The following KMT2D variants were observed in gnomAD, a reference collection of about 807,000 sequenced individuals.
KMT2D encodes lysine methyltransferase 2D.
A neutral mutation model predicts 512.7 loss-of-function variants in KMT2D; 55 were observed. That is an observed-to-expected ratio of 0.11 (90% CI 0.09 to 0.13). KMT2D has a LOEUF of 0.13. Among genes scored for constraint, KMT2D ranks in the 10% least tolerant of loss-of-function variants. The probability of loss-of-function intolerance (pLI) is 1.00; values close to 1 mark genes in which losing one functional copy is unlikely to be tolerated. For missense variants in KMT2D, 6,061 were observed against 7,127.9 expected, an observed-to-expected ratio of 0.85 and a Z score of 5.39; for synonymous variants, 2,995 against 2,904.0, an observed-to-expected ratio of 1.03 and a Z score of -1.01.
Position 49,027,191 on chromosome 12 carries a change from A to C in KMT2D, c.14775T>G (p.Pro4925=). 1 of 1,391,852 alleles carries C rather than the reference A, an allele frequency of 7.2e-7. No homozygotes were observed. Among genetic ancestry groups the C allele is most frequent in the Non-Finnish European group, 9.5e-7 (1 of 1,050,124 alleles). The allele number at this position is 1,391,852 out of a possible 1,614,324, so 86.2% of individuals were successfully genotyped here. A position where few individuals can be genotyped will look rare whatever the true frequency, so the allele number is the denominator to read the frequency against. ...SPPPSPLAPS[P]ASPPTEPLVE... is the part of the protein sequence containing the mutation. ...CCAAGGGCTCAGTAGGGGGACTGGC[A>C]GGAGAAGGTGCCAAGGGGGAAGGGG... Residue 4925 remains proline, a synonymous_variant, in exon 49 of 55, where the codon CCT becomes CCG. Coordinates refer to ENST00000301067, the MANE Select transcript of KMT2D (RefSeq NM_003482.4).
At chr12:49,043,007 A>C in intron 26 of KMT2D, 69 bp downstream of exon 26, 2 of 1,561,896 alleles carry the variant, frequency 1.3e-6, no homozygotes, top group Non-Finnish European at 1.8e-6. Context: ...TCACAGTCCC[A>C]AAGATAGGAC....
In KMT2D at chr12:49,033,122, T is replaced by G. The variant is rs878924583; in HGVS notation, c.11583A>C (p.Gln3861His). The G allele has an allele frequency of 1.3e-6, 2 of 1,551,258 alleles. No individual in the cohort carries two copies. Among genetic ancestry groups the G allele is most frequent in the Non-Finnish European group, 1.7e-6 (2 of 1,146,802 alleles). Residue 3861 changes from glutamine to histidine, a missense_variant, in exon 40 of 55, where the codon CAA (glutamine) becomes CAC (histidine). Gln to His is a conservative substitution (Grantham distance 24, BLOSUM62 0). Around this residue, in one of 16 missense-constraint regions of KMT2D, gnomAD observed 1,600 missense variants for 1,754.9 expected, o/e 0.91. Transcript: ENST00000301067. The part of the protein sequence containing the change: ...RLVTAQQQQQ[Q>H]QQHQQQGSMA... Reference sequence around the variant, plus strand: ...TGGACCCTTGCTGTTGGTGCTGTTGTTGCTGCTGCTGCTGCTGGGCTGTGA... The same window carrying G: ...TGGACCCTTGCTGTTGGTGCTGTTGGTGCTGCTGCTGCTGCTGGGCTGTGA...
In KMT2D at chr12:49,052,437, C is replaced by G; in HGVS notation, c.1259-13G>C. 1 of 1,542,060 alleles carries G rather than the reference C, an allele frequency of 6.5e-7. No homozygotes were observed. Among genetic ancestry groups the G allele is most frequent in the Non-Finnish European group, 8.8e-7 (1 of 1,142,252 alleles). On this transcript the variant is annotated splice_polypyrimidine_tract_variant and intron_variant, in intron 10 of 54. Transcript: ENST00000301067. ...ACCCCTGCTTTCCCTGCAGACACAA[C>G]AACACGATGCTCCTATCTAGCTCAG...
chr12:49,030,399 G>T lies in KMT2D; in HGVS notation c.13880C>A (p.Pro4627His). ...SNPPTPPSSL[P>H]PTPPPSVQQK... ...CTGCACCGATGGGGGTGGGGTGGGG[G>T]GCAGCGACGAGGGTGGTGTCGGCGG... Residue 4627 changes from proline (P) to histidine (H), a missense_variant, in exon 43 of 55, where the codon CCC becomes CAC. Transcript: ENST00000301067. 1.3e-6 allele frequency: 2 copies of T among 1,535,364 alleles called. No individual in the cohort carries two copies. Among genetic ancestry groups the T allele is most frequent in the Non-Finnish European group, 1.8e-6 (2 of 1,130,700 alleles).
rs2120479444 is a variant in KMT2D at position 49,037,460 on chromosome 12, T to C, written c.9896A>G (p.His3299Arg). Residue 3299 changes from histidine to arginine, a missense_variant, in exon 35 of 55, where the codon CAT becomes CGT. Around this residue, in one of 16 missense-constraint regions of KMT2D, gnomAD observed 533 missense variants for 539.6 expected, o/e 0.99. Coordinates refer to ENST00000301067, the MANE Select transcript of KMT2D (RefSeq NM_003482.4). ...PGPAQAMSLP[H>R]EGSSPSLAGS... ...AGCCAAACTGGGAGAAGAGCCCTCATGTGGCAAAGACATGGCCTGGGCAGG... is the reference window on the plus strand; with the variant it reads ...AGCCAAACTGGGAGAAGAGCCCTCACGTGGCAAAGACATGGCCTGGGCAGG... 1 of 1,572,188 alleles carries C rather than the reference T, an allele frequency of 6.4e-7. No homozygotes were observed. The highest frequency in any genetic ancestry group is 8.6e-7 in the Non-Finnish European group (1 of 1,158,746).
At position 49,038,984 on chromosome 12, in the gene KMT2D, A is replaced by C; in HGVS notation, c.8372T>G (p.Leu2791Arg). ...ATAGAAAGCTTGGGAGCCTCCTACC[A>C]GTTGCCTGGAAGAATATACAGTAGT... ...PSSMDVNSRQ[L>R]VGGSQAFYQR... The change falls in exon 35 of 55, where the codon CTG (leucine) becomes CGG (arginine). Residue 2791 changes from leucine (L) to arginine (R), a missense_variant. Around this residue, in one of 16 missense-constraint regions of KMT2D, gnomAD observed 527 missense variants for 578.9 expected, o/e 0.91. Transcript: ENST00000301067. The surrounding 1 kb of genome is among the most constrained non-coding windows in gnomAD (Gnocchi z 5.7). The C allele has an allele frequency of 6.4e-7, 1 of 1,551,910 alleles. No homozygotes were observed. Among genetic ancestry groups the C allele is most frequent in the Non-Finnish European group, 8.7e-7 (1 of 1,147,064 alleles).
Position 49,052,198 on chromosome 12 carries a change from A to C in KMT2D, c.1485T>G (p.Ser495=). ...LSRPLEESPL[S]PPPEESPLSP... The stretch of plus-strand genomic sequence containing the variant: ...ACAGAGGAGACTCCTCAGGCGGCGG[A>C]GAGAGGGGCGATTCCTCCAGCGGCC... The change falls in exon 11 of 55, where the codon TCT becomes TCG. Residue 495 remains serine, a synonymous_variant. Transcript: ENST00000301067. The C allele has an allele frequency of 6.2e-7, 1 of 1,612,336 alleles. No homozygotes were observed. Among genetic ancestry groups the C allele is most frequent in the Non-Finnish European group, 8.5e-7 (1 of 1,179,390 alleles).
At chr12:49,053,949 C>T (rs1938241593) in intron 6 of KMT2D, 29 bp downstream of exon 6, 1 of 1,607,522 alleles carries the variant, frequency 6.2e-7, no homozygotes, top group South Asian at 1.1e-5. Context: ...CTCTCATTTG[C>T]CCTATGACCA....
At position 49,026,600 on chromosome 12, in the gene KMT2D, C is replaced by T. The variant is rs1263492454; in HGVS notation, c.15366G>A (p.Lys5122=). The T allele has an allele frequency of 3.1e-6, 5 of 1,614,056 alleles. No individual in the cohort carries two copies. The highest frequency in any genetic ancestry group is 3.3e-5 in the Admixed American group (2 of 60,032). ...TGGTCTTGTCCTTGAAGAACATGCA[C>T]TTGGCACGGATGGCACAAGCAAAAT... ...VYHFACAIRA[K]CMFFKDKTML... Residue 5122 remains lysine (K), a synonymous_variant, in exon 49 of 55, where the codon AAG becomes AAA. Coordinates refer to ENST00000301067, the MANE Select transcript of KMT2D (RefSeq NM_003482.4). The surrounding 1 kb of genome is among the most constrained non-coding windows in gnomAD (Gnocchi z 9.6).
chr12:49,042,982 G>C lies in KMT2D; in HGVS notation c.5644+94C>G, dbSNP rs1000582361. On this transcript the variant is annotated intron_variant, in intron 26 of 54. Coordinates refer to ENST00000301067, the MANE Select transcript of KMT2D (RefSeq NM_003482.4). The surrounding 1 kb of genome is among the most constrained non-coding windows in gnomAD (Gnocchi z 4.4). ...AGGAACAGTCCAGGACTCCCCACCA[G>C]AGAAGCTGTACAGATCACAGTCCCA... 27 of 1,567,362 alleles carry C rather than the reference G, an allele frequency of 1.7e-5. No individual in the cohort carries two copies. The highest frequency in any genetic ancestry group is 2.4e-5 in the Non-Finnish European group (27 of 1,140,346).
rs998288271 is a variant in KMT2D at position 49,060,726 on chromosome 12, C to T, written c.-1151G>A. Among the ~76,000 whole-genome samples the T allele has an allele frequency of 3.3e-5, 5 of 152,212 alleles. No individual in the cohort carries two copies. Among genetic ancestry groups the T allele is most frequent in the South Asian group, 2.1e-4 (1 of 4,826 alleles). ...GCTAGATCCGGGGGGGCCTTTTGCCCGGGGCACCCCACTCGAGAGGGGGAG... is the reference window on the plus strand; with the variant it reads ...GCTAGATCCGGGGGGGCCTTTTGCCTGGGGCACCCCACTCGAGAGGGGGAG... On this transcript the variant is annotated 5_prime_UTR_variant, in exon 1 of 55. Coordinates refer to ENST00000301067, the MANE Select transcript of KMT2D (RefSeq NM_003482.4).
chr12:49,049,834 G>C lies in KMT2D; in HGVS notation c.3754C>G (p.Arg1252Gly), dbSNP rs727503987. Residue 1252 changes from arginine to glycine, a missense_variant, in exon 12 of 55, where the codon CGA becomes GGA. Coordinates refer to ENST00000301067, the MANE Select transcript of KMT2D (RefSeq NM_003482.4). ...CAGAGCCGTAGGGAGCCCTCATCTC[G>C]GGCTGGACTAACATCCGTAGAGACC... ...LGVSTDVSPA[R>G]DEGSLRLCTD... 5.0e-6 allele frequency: 8 copies of C among 1,613,950 alleles called. No homozygotes were observed. Among genetic ancestry groups the C allele is most frequent in the Non-Finnish European group, 6.8e-6 (8 of 1,179,892 alleles).
In KMT2D at chr12:49,054,742, C is replaced by T. The variant is rs367774720; in HGVS notation, c.186G>A (p.Pro62=). 1.6e-5 allele frequency: 26 copies of T among 1,613,798 alleles called. No individual in the cohort carries two copies. In the East Asian group the frequency reaches 4.5e-4, roughly 28 times the overall value. Reference sequence around the variant, plus strand: ...AGTTACAGAGAGCACAACGCCGCACCGGACCCCCACTGTGGACACACAAGC... The same window carrying T: ...AGTTACAGAGAGCACAACGCCGCACTGGACCCCCACTGTGGACACACAAGC... ...QETPQDCSGG[P]VRRCALCNCG... The change falls in exon 4 of 55, where the codon CCG becomes CCA. Residue 62 remains proline, a synonymous_variant. Coordinates refer to ENST00000301067, the MANE Select transcript of KMT2D (RefSeq NM_003482.4). This position sits in a 1 kb window ranked among gnomAD's most constrained non-coding sequence, Gnocchi z 6.4.
At position 49,054,452 on chromosome 12, in the gene KMT2D, A is replaced by C. The variant is rs886852432; in HGVS notation, c.401-36T>G. On this transcript the variant is annotated intron_variant, in intron 4 of 54. Transcript: ENST00000301067. The surrounding 1 kb of genome is among the most constrained non-coding windows in gnomAD (Gnocchi z 6.4). ...GGGAAGAGGTAAAGAGAAAGGAAAG[A>C]ATTAACAAAAAGAGGATTGCTGGCT... The C allele has an allele frequency of 3.6e-5, 57 of 1,567,780 alleles. No homozygotes were observed. Among genetic ancestry groups the C allele is most frequent in the Non-Finnish European group, 4.7e-5 (54 of 1,155,596 alleles).
In KMT2D at chr12:49,038,077, G is replaced by C. The variant is rs2120490124; in HGVS notation, c.9279C>G (p.Pro3093=). 1 of 1,613,492 alleles carries C rather than the reference G, an allele frequency of 6.2e-7. No individual in the cohort carries two copies. ...GGGGAGGGCGCTCCTCAGGGCCCAAGGGTCCTGGCTCCACCCCCCGCAGCA... is the reference window on the plus strand; with the variant it reads ...GGGGAGGGCGCTCCTCAGGGCCCAACGGTCCTGGCTCCACCCCCCGCAGCA... ...EALLRGVEPG[P]LGPEERPPPA... Residue 3093 remains proline (P), a synonymous_variant, in exon 35 of 55, where the codon CCC becomes CCG. Transcript: ENST00000301067. This position sits in a 1 kb window ranked among gnomAD's most constrained non-coding sequence, Gnocchi z 5.7.
At chr12:49,047,583 A>G (rs1486946092) in intron 15 of KMT2D, among the ~76,000 whole-genome samples, 2 of 82,178 alleles carry the variant, frequency 2.4e-5, no homozygotes, top group Non-Finnish European at 4.6e-5. Flanking sequence ...ACACTCAGCT[A>G]ATTTTTGTTA....
In KMT2D at chr12:49,028,113, G is replaced by A. The variant is rs1357291847; in HGVS notation, c.14411C>T (p.Ala4804Val). ...GGGGATCTTCATGCTCAGCAGCTCC[G>A]CCACTGCCACCATCACGCCATTCAG... ...KNLNGVMVAVAELLSMKIPNS... is the reference protein window; with the variant it reads ...KNLNGVMVAVVELLSMKIPNS... Residue 4804 changes from alanine (A) to valine (V), a missense_variant, in exon 47 of 55, where the codon GCG becomes GTG. By Grantham distance (64) the Ala-to-Val change is moderately conservative (BLOSUM62 0). Coordinates refer to ENST00000301067, the MANE Select transcript of KMT2D (RefSeq NM_003482.4). 3 of 1,613,636 alleles carry A rather than the reference G, an allele frequency of 1.9e-6. No individual in the cohort carries two copies. The highest frequency in any genetic ancestry group is 1.7e-6 in the Non-Finnish European group (2 of 1,179,814).
At position 49,044,193 on chromosome 12, in the gene KMT2D, G is replaced by A. The variant is rs772349962; in HGVS notation, c.5188+7C>T. ...CCAGGCCCCACTGGTGCCCTCACCC[G>A]TCTCACCCTCGTCGGGCTGCCCATC... On this transcript the variant is annotated splice_region_variant and intron_variant, in intron 22 of 54. Transcript: ENST00000301067. The surrounding 1 kb of genome is among the most constrained non-coding windows in gnomAD (Gnocchi z 6.4). 2.5e-5 allele frequency: 41 copies of A among 1,610,350 alleles called. No individual in the cohort carries two copies. The highest frequency in any genetic ancestry group is 1.6e-4 in the East Asian group (7 of 44,868).
intron 43 of KMT2D, among the ~76,000 whole-genome samples, chr12:49,030,034 T>C (rs1942819228): frequency 6.6e-6 from 1 of 152,178 alleles, no homozygotes; most frequent in African/African-American, 2.4e-5. Flanking sequence ...CTGTTCCTTC[T>C]ATACAAAGCT....
Sources: allele counts gnomAD v4.1 joint callset (sites outside exome capture counted in the v4.1 genomes callset), GRCh38; gene constraint gnomAD v4.1.1; regional missense constraint gnomAD v4.1.1; non-coding constraint Gnocchi (gnomAD v3.1); transcripts MANE v1.5; gene names NCBI Gene and HGNC (gene_info 2026-07-23, HGNC 2026-07-21).